The following RCOR3 variants were observed in gnomAD, a reference collection of about 807,000 sequenced individuals.
RCOR3 encodes REST corepressor 3.
A neutral mutation model predicts 64.1 loss-of-function variants in RCOR3; 13 were observed. The observed-to-expected ratio is 0.20, with a 90% confidence interval of 0.13 to 0.32. The LOEUF (loss-of-function observed/expected upper bound fraction) is 0.32. Ranked by LOEUF, RCOR3 falls within the 10% of genes least tolerant of loss-of-function variation. RCOR3 has a pLI of 1.00. For synonymous variants in RCOR3, 215 were observed against 239.0 expected, an observed-to-expected ratio of 0.90 and a Z score of 0.93; for missense variants, 489 against 701.2, an observed-to-expected ratio of 0.70 and a Z score of 3.42.
intron 7 of RCOR3, among the ~76,000 whole-genome samples, chr1:211,282,293 G>A (rs980797872): frequency 6.6e-6 from 1 of 152,114 alleles, no homozygotes; most frequent in Non-Finnish European, 1.5e-5. Context: ...AAACAATAAG[G>A]ATACCAGGCA....
intron 10 of RCOR3, among the ~76,000 whole-genome samples, chr1:211,309,086 T>TAA (rs10688171): frequency 0.28 from 31,772 of 113,808 alleles, 4,980 homozygotes; most frequent in African/African-American, 0.38. Context: ...TAGCTAAACA[T>TAA]AAAAAAAAAA....
chr1:211,276,584 C>T (rs1218077082), intron 5 of RCOR3, among the ~76,000 whole-genome samples, 166 bp downstream of exon 5: 1 of 152,162 alleles, frequency 6.6e-6, no homozygotes, highest in Non-Finnish European at 1.5e-5. Flanking sequence ...ACCACTCTTA[C>T]ATGACAGTTA....
intron 3 of RCOR3, 194 bp downstream of exon 3, chr1:211,271,503 G>A (rs369783715): frequency 7.7e-6 from 5 of 649,094 alleles, no homozygotes; most frequent in South Asian, 1.5e-5. Flanking sequence ...GAAGATAGTG[G>A]GTTGATCATT....
At chr1:211,307,358 G>A (rs1344278248) in intron 10 of RCOR3, among the ~76,000 whole-genome samples, 2 of 151,930 alleles carry the variant, frequency 1.3e-5, no homozygotes, top group Non-Finnish European at 2.9e-5. Flanking sequence ...GTATGGTGGT[G>A]CACACGTGTA....
At chr1:211,305,336 T>C (rs1338162741) in intron 10 of RCOR3, among the ~76,000 whole-genome samples, 1 of 152,196 alleles carries the variant, frequency 6.6e-6, no homozygotes, top group South Asian at 2.1e-4. Context: ...TCTGAATGAG[T>C]CAAAACAAGG....
intron 2 of RCOR3, among the ~76,000 whole-genome samples, chr1:211,260,640 C>T (rs563173497): frequency 7.9e-5 from 12 of 152,282 alleles, no homozygotes; most frequent in Non-Finnish European, 1.2e-4. Context: ...CGAGCCCTGC[C>T]GACCTGTGCG....
At chr1:211,303,127 T>C (rs1700545507) in intron 9 of RCOR3, 1 of 152,178 alleles carries the variant, frequency 6.6e-6, no homozygotes, top group African/African-American at 2.4e-5. Context: ...TTTAATCTCC[T>C]CATCTGGAAT....
chr1:211,272,744 C>T (rs1696408319), intron 3 of RCOR3, among the ~76,000 whole-genome samples: 3 of 147,392 alleles, frequency 2.0e-5, no homozygotes, highest in Non-Finnish European at 3.0e-5. Flanking sequence ...GCCTCAGCCT[C>T]CCAAGTAGCT....
chr1:211,289,245 A>C lies in RCOR3; in HGVS notation c.788A>C (p.Gln263Pro). ...GLGRREYQSL[Q>P]HRHHSQRSKC... The stretch of plus-strand genomic sequence containing the variant: ...GGAAGAAGAGAGTATCAGAGTTTAC[A>C]ACATCGCCATCATTCTCAGCGTTCT... The change falls in exon 8 of 12, where the codon CAA becomes CCA. Residue 263 changes from glutamine (Q) to proline (P), a missense_variant. Physicochemically the swap from Gln to Pro is moderately conservative, Grantham distance 76. Around this residue, in one of 2 missense-constraint regions of RCOR3, gnomAD observed 402 missense variants for 617.0 expected, o/e 0.65. Transcript: ENST00000419091. 6.2e-7 allele frequency: 1 copy of C among 1,614,100 alleles called. No homozygotes were observed. The highest frequency in any genetic ancestry group is 8.5e-7 in the Non-Finnish European group (1 of 1,180,012).
rs1693988794 is a variant in RCOR3, at chr1:211,260,172, TA to T, written c.223+9del. The T allele has an allele frequency of 3.1e-6, 5 of 1,611,496 alleles. No individual in the cohort carries two copies. In the Admixed American group the frequency reaches 6.7e-5, roughly 21 times the overall value. On this transcript the variant is annotated intron_variant, in intron 2 of 11. Coordinates refer to ENST00000419091, the MANE Select transcript of RCOR3 (RefSeq NM_001136223.3). ...TCCCTGAATTTGATCCAGGTAGATA[TA>T]TTTGCTTAAGCAAAATCTCATATCC...
intron 9 of RCOR3, among the ~76,000 whole-genome samples, chr1:211,301,216 T>C (rs1357682922): frequency 1.3e-5 from 2 of 152,160 alleles, no homozygotes; most frequent in Non-Finnish European, 2.9e-5. Context: ...ATGAATCTGA[T>C]TTTAGCCTCA....
chr1:211,307,213 G>C (rs1479275539), intron 10 of RCOR3, among the ~76,000 whole-genome samples: 6 of 152,176 alleles, frequency 3.9e-5, no homozygotes, highest in Admixed American at 2.0e-4. Flanking sequence ...AAGGGGCTGG[G>C]TGTGGTGGCT....
At chr1:211,287,832 C>T (rs61851024) in intron 7 of RCOR3, among the ~76,000 whole-genome samples, 3 of 151,998 alleles carry the variant, frequency 2.0e-5, no homozygotes, top group Non-Finnish European at 2.9e-5. Context: ...GAGCCGAGAT[C>T]GTGCCACTGC....
At chr1:211,270,259 C>A (rs1180851068) in intron 2 of RCOR3, among the ~76,000 whole-genome samples, 1 of 152,018 alleles carries the variant, frequency 6.6e-6, no homozygotes, top group East Asian at 1.9e-4. Context: ...GACGGGATTT[C>A]ACTATGTAGG....
intron 4 of RCOR3, among the ~76,000 whole-genome samples, chr1:211,275,531 G>A (rs541839241): frequency 6.6e-6 from 1 of 152,116 alleles, no homozygotes; most frequent in South Asian, 2.1e-4. Flanking sequence ...ATATCTCTTG[G>A]AAAATAAAAG....
intron 2 of RCOR3, among the ~76,000 whole-genome samples, chr1:211,266,345 G>A (rs950206028): frequency 6.6e-6 from 1 of 151,996 alleles, no homozygotes; most frequent in African/African-American, 2.4e-5. Flanking sequence ...TTTTATTGAT[G>A]TAGAAATCCT....
At position 211,312,644 on chromosome 1, in the gene RCOR3, G is replaced by A. The variant is rs1177160127; in HGVS notation, c.1076-76G>A. ...AGGAATTTCATTGCTGGTATCTTTTGTGTGTGCATGATGTATAGTACACAC... is the reference window on the plus strand; with the variant it reads ...AGGAATTTCATTGCTGGTATCTTTTATGTGTGCATGATGTATAGTACACAC... On this transcript the variant is annotated intron_variant, in intron 10 of 11. Coordinates refer to ENST00000419091, the MANE Select transcript of RCOR3 (RefSeq NM_001136223.3). This position sits in a 1 kb window ranked among gnomAD's most constrained non-coding sequence, Gnocchi z 5.0. 3 of 964,604 alleles carry A rather than the reference G, an allele frequency of 3.1e-6. No individual in the cohort carries two copies. The highest frequency in any genetic ancestry group is 2.0e-5 in the Admixed American group (1 of 50,346). The allele number at this position is 964,604 out of a possible 1,614,324, so 59.8% of individuals were successfully genotyped here.
chr1:211,283,832 A>G (rs1305581054), intron 7 of RCOR3, among the ~76,000 whole-genome samples: 1 of 137,588 alleles, frequency 7.3e-6, no homozygotes, highest in Non-Finnish European at 1.6e-5. Context: ...TTTTTCACCC[A>G]TTTTTCCACT....
rs1035182592 is a variant in RCOR3 at position 211,259,634 on chromosome 1, C to T, written c.74C>T (p.Pro25Leu). 1.3e-6 allele frequency: 2 copies of T among 1,546,468 alleles called. No individual in the cohort carries two copies. Among genetic ancestry groups the T allele is most frequent in the East Asian group, 2.5e-5 (1 of 40,434 alleles). The change falls in exon 1 of 12, where the codon CCG becomes CTG. Residue 25 changes from proline (P) to leucine (L), a missense_variant. Physicochemically the swap from Pro to Leu is moderately conservative, Grantham distance 98. Transcript: ENST00000419091. ...TCGGCCAACGGCAGCGCCAAGAGCC[C>T]GGCAGGCGGCGGCGGCAGCGGCGCC... Reference protein sequence around the residue: ...NRSANGSAKSPAGGGGSGASS... With the variant: ...NRSANGSAKSLAGGGGSGASS...
Sources: gnomAD v4.1 joint callset for allele counts (sites outside exome capture counted in the v4.1 genomes callset) on GRCh38, gnomAD v4.1.1 for gene constraint, gnomAD v4.1.1 regional missense constraint, Gnocchi (gnomAD v3.1) non-coding constraint, MANE v1.5 for transcripts, NCBI Gene and HGNC (gene_info 2026-07-23, HGNC 2026-07-21) for gene names.